Variants in PDSS2 observed in about 807,000 individuals in gnomAD.
PDSS2 encodes the protein all trans-polyprenyl-diphosphate synthase PDSS2.
A neutral mutation model predicts 44.5 loss-of-function variants in PDSS2; 31 were observed. The ratio of observed to expected loss-of-function variants is 0.70; its 90% CI spans 0.52 to 0.94. The LOEUF (loss-of-function observed/expected upper bound fraction) is 0.94, where lower values mean the gene tolerates loss of function less well. PDSS2 is among the 40% of genes least tolerant of loss of function. The pLI, the probability that PDSS2 is intolerant of heterozygous loss-of-function variation, is 0.00. For synonymous variants in PDSS2, 157 were observed against 180.3 expected (o/e 0.87, Z 1.03); for missense variants, 452 against 482.2 (o/e 0.94, Z 0.59).
chr6:107,249,529 C>T (rs1217994468), intron 3 of PDSS2, among the ~76,000 whole-genome samples: 1 of 152,118 alleles, frequency 6.6e-6, no homozygotes, highest in Non-Finnish European at 1.5e-5. Flanking sequence ...TTAAACAGGA[C>T]ATAACTTTCT....
intron 3 of PDSS2, among the ~76,000 whole-genome samples, chr6:107,261,708 G>C (rs984435673): frequency 5.3e-5 from 8 of 151,058 alleles, no homozygotes; most frequent in African/African-American, 1.7e-4. Context: ...CTCCCGAGTA[G>C]CTGGGATTAT....
intron 7 of PDSS2, among the ~76,000 whole-genome samples, chr6:107,177,177 C>T (rs1179704169): frequency 7.3e-6 from 1 of 136,754 alleles, no homozygotes; most frequent in Non-Finnish European, 1.5e-5. Flanking sequence ...CTCACTCAGG[C>T]TGGAGTGCAG....
At chr6:107,393,967 T>C (rs568982397) in intron 1 of PDSS2, among the ~76,000 whole-genome samples, 3 of 152,340 alleles carry the variant, frequency 2.0e-5, no homozygotes, top group African/African-American at 4.8e-5. Flanking sequence ...AAGTTTCTTA[T>C]AGACAGCCAA....
At chr6:107,429,901 A>AAAAAATATATATATATATATATATAT (rs1166637352) in intron 1 of PDSS2, among the ~76,000 whole-genome samples, 1 of 31,836 alleles carries the variant, frequency 3.1e-5, no homozygotes, top group Non-Finnish European at 5.3e-5. Context: ...AAAAAAAAAA[A>AAAAAATATATATATATATATATATAT]ATATATATAT....
intron 1 of PDSS2, among the ~76,000 whole-genome samples, chr6:107,367,903 T>A (rs1779008679): frequency 6.6e-6 from 1 of 151,866 alleles, no homozygotes; most frequent in African/African-American, 2.4e-5. Context: ...CTAAGGCATC[T>A]ATAATAAAAA....
In PDSS2 at chr6:107,454,343, T is replaced by C. The variant is rs116923836; in HGVS notation, c.296+4647A>G. The stretch of plus-strand genomic sequence containing the variant: ...GATTGCAGGTGTGAACCACCACACC[T>C]GGTCTAGACTTCTTTATATCACTTC... On this transcript the variant is annotated intron_variant, in intron 1 of 7. Coordinates refer to ENST00000369037, the MANE Select transcript of PDSS2 (RefSeq NM_020381.4). Among the ~76,000 whole-genome samples the C allele has an allele frequency of 8.9e-3, 1,352 of 151,984 alleles. 50 individuals are homozygous for C. The East Asian group carries it at 0.12, about 13-fold the overall frequency.
chr6:107,453,469 A>AT (rs1781939975), intron 1 of PDSS2, among the ~76,000 whole-genome samples: 1 of 151,920 alleles, frequency 6.6e-6, no homozygotes, highest in South Asian at 2.1e-4. Flanking sequence ...AAAAAAAAAA[A>AT]CTATCCTCCC....
chr6:107,401,878 C>T (rs1233122301), intron 1 of PDSS2, among the ~76,000 whole-genome samples: 1 of 152,162 alleles, frequency 6.6e-6, no homozygotes. Context: ...AGCACAGTGG[C>T]TCATGCCTGT....
At chr6:107,325,954 C>T (rs996085528) in intron 2 of PDSS2, among the ~76,000 whole-genome samples, 2 of 152,124 alleles carry the variant, frequency 1.3e-5, no homozygotes, top group African/African-American at 4.8e-5. Context: ...TTCATAAAGT[C>T]CTCCCTGCTC....
intron 1 of PDSS2, among the ~76,000 whole-genome samples, chr6:107,357,457 T>C (rs1378522136): frequency 6.6e-6 from 1 of 152,066 alleles, no homozygotes; most frequent in Admixed American, 6.6e-5. Flanking sequence ...ATTTTCTAAA[T>C]CTCAAAATAA....
chr6:107,445,144 T>G (rs1295300871), intron 1 of PDSS2, among the ~76,000 whole-genome samples: 1 of 151,622 alleles, frequency 6.6e-6, no homozygotes, highest in Non-Finnish European at 1.5e-5. Context: ...TACAGAAATT[T>G]AAGTAACGAA....
chr6:107,332,489 A>G (rs1057188266), intron 2 of PDSS2, among the ~76,000 whole-genome samples: 3 of 152,198 alleles, frequency 2.0e-5, no homozygotes, highest in Non-Finnish European at 2.9e-5. Context: ...AGAGTTTTCC[A>G]TTTAAAAGTT....
chr6:107,447,707 C>G (rs139219590), intron 1 of PDSS2, among the ~76,000 whole-genome samples: 1 of 152,152 alleles, frequency 6.6e-6, no homozygotes, highest in African/African-American at 2.4e-5. Context: ...GTGGATCTAC[C>G]ATTCTGGGGT....
At chr6:107,212,353 T>C in intron 4 of PDSS2, 71 bp from the exon 5 acceptor site, 2 of 1,291,916 alleles carry the variant, frequency 1.5e-6, no homozygotes, top group Non-Finnish European at 2.2e-6. Flanking sequence ...TTTTGAAGAA[T>C]AAAAAAGTTA....
At chr6:107,377,793 A>T (rs1779332643) in intron 1 of PDSS2, among the ~76,000 whole-genome samples, 1 of 152,038 alleles carries the variant, frequency 6.6e-6, no homozygotes, top group Non-Finnish European at 1.5e-5. Flanking sequence ...AGGACAAAAA[A>T]CCAAACACCG....
chr6:107,214,876 C>T (rs1773360355), intron 4 of PDSS2, among the ~76,000 whole-genome samples: 1 of 152,148 alleles, frequency 6.6e-6, no homozygotes, highest in Non-Finnish European at 1.5e-5. Flanking sequence ...CCTCAGCTTT[C>T]CAAGTAACTG....
At chr6:107,391,359 T>C (rs1779775134) in intron 1 of PDSS2, among the ~76,000 whole-genome samples, 1 of 152,144 alleles carries the variant, frequency 6.6e-6, no homozygotes, top group Non-Finnish European at 1.5e-5. Flanking sequence ...CCTCCTTCTT[T>C]CCTGGCTAGT....
intron 2 of PDSS2, among the ~76,000 whole-genome samples, chr6:107,275,869 T>C (rs544549462): frequency 2.0e-5 from 3 of 152,010 alleles, no homozygotes; most frequent in South Asian, 2.1e-4. Flanking sequence ...ATCTCAGAAC[T>C]TTGGGAGGCC....
At chr6:107,238,388 C>T (rs143399304) in intron 4 of PDSS2, among the ~76,000 whole-genome samples, 1 of 152,248 alleles carries the variant, frequency 6.6e-6, no homozygotes, top group African/African-American at 2.4e-5. Context: ...TCAAATTCAT[C>T]GTAATGACTT....
Sources: allele counts gnomAD v4.1 joint callset (sites outside exome capture counted in the v4.1 genomes callset), GRCh38; gene constraint gnomAD v4.1.1; transcripts MANE v1.5; gene names NCBI Gene and HGNC (gene_info 2026-07-23, HGNC 2026-07-21).